The following ADAMTSL3 variants were observed in gnomAD, a reference collection of about 807,000 sequenced individuals.
The protein encoded by ADAMTSL3 is ADAMTS like 3.
A neutral mutation model predicts 201.7 loss-of-function variants in ADAMTSL3; 128 were observed. The ratio of observed to expected loss-of-function variants is 0.63; its 90% CI spans 0.55 to 0.73. The LOEUF (loss-of-function observed/expected upper bound fraction) is 0.73, where lower values mean the gene tolerates loss of function less well. Among genes scored for constraint, ADAMTSL3 ranks in the 30% least tolerant of loss-of-function variants. ADAMTSL3 has a pLI of 0.00. For missense variants in ADAMTSL3, 1,990 were observed against 2,119.6 expected (o/e 0.94, Z 1.20); for synonymous variants, 738 against 748.4 (o/e 0.99, Z 0.23).
At chr15:83,735,997 GA>G (rs1006459006) in intron 3 of ADAMTSL3, among the ~76,000 whole-genome samples, 23 of 150,432 alleles carry the variant, frequency 1.5e-4, no homozygotes, top group African/African-American at 4.1e-4. Context: ...AAGGACAGGA[GA>G]AAAAAAAAGA....
intron 9 of ADAMTSL3, 131 bp from the exon 10 acceptor site, chr15:83,884,970 T>C: frequency 1.6e-6 from 1 of 615,616 alleles, no homozygotes. Flanking sequence ...CTTATTGGAC[T>C]CTTGCCCCAT....
chr15:83,826,539 C>G (rs970031924), intron 6 of ADAMTSL3, among the ~76,000 whole-genome samples: 3 of 149,292 alleles, frequency 2.0e-5, no homozygotes, highest in Non-Finnish European at 4.4e-5. Context: ...ACTTTAAGTT[C>G]TAGGGTACAT....
chr15:83,826,631 G>C (rs1289967636), intron 6 of ADAMTSL3, among the ~76,000 whole-genome samples: 1 of 151,266 alleles, frequency 6.6e-6, no homozygotes, highest in East Asian at 1.9e-4. Flanking sequence ...ATTTACATTA[G>C]GTATATCTCC....
intron 19 of ADAMTSL3, among the ~76,000 whole-genome samples, chr15:83,970,130 A>G (rs952510345): frequency 6.6e-6 from 1 of 152,220 alleles, no homozygotes; most frequent in African/African-American, 2.4e-5. Flanking sequence ...GAATGGCTAA[A>G]AAATAAATTA....
chr15:83,875,041 T>C lies in ADAMTSL3; in HGVS notation c.960+4082T>C, dbSNP rs370085131. ...TCTATACCATCCACCACTGTGTTCATCTGGGTCCTCTAAGAATCAAATGCC... is the reference window on the plus strand; with the variant it reads ...TCTATACCATCCACCACTGTGTTCACCTGGGTCCTCTAAGAATCAAATGCC... On this transcript the variant is annotated intron_variant, in intron 9 of 29. Transcript: ENST00000286744. Among the ~76,000 whole-genome samples the C allele has an allele frequency of 1.4e-4, 15 of 110,136 alleles. 1 individual carries two copies. In the East Asian group the frequency reaches 6.0e-3, roughly 44 times the overall value. 72.3% of individuals were successfully genotyped at this position (110,136 alleles called of 152,430 possible).
chr15:83,723,349 A>C (rs2062128271), intron 3 of ADAMTSL3, among the ~76,000 whole-genome samples: 1 of 152,236 alleles, frequency 6.6e-6, no homozygotes, highest in South Asian at 2.1e-4. Flanking sequence ...TGTGCTGTTG[A>C]ATACTGCTAA....
At chr15:83,772,200 A>T (rs890311) in intron 3 of ADAMTSL3, among the ~76,000 whole-genome samples, 112,214 of 152,038 alleles carry the variant, frequency 0.74, 41,834 homozygotes, top group East Asian at 0.98. Flanking sequence ...AACTTTAGAA[A>T]CATTTGTTAT....
chr15:83,924,912 A>G (rs2066220847), intron 17 of ADAMTSL3, among the ~76,000 whole-genome samples: 1 of 152,134 alleles, frequency 6.6e-6, no homozygotes, highest in Non-Finnish European at 1.5e-5. Flanking sequence ...CGCTAATGAA[A>G]TCCTTTCATT....
chr15:83,995,063 C>T lies in ADAMTSL3; in HGVS notation c.3973+3849C>T, dbSNP rs151019120. 6.4e-4 allele frequency among the ~76,000 whole-genome samples: 98 copies of T among 152,228 alleles called. 1 individual carries two copies. The highest frequency in any genetic ancestry group is 3.4e-3 in the Middle Eastern group (1 of 294). On this transcript the variant is annotated intron_variant, in intron 23 of 29. Coordinates refer to ENST00000286744, the MANE Select transcript of ADAMTSL3 (RefSeq NM_207517.3). ...ACATATGTGACTTATTAGAGTTGTC[C>T]CAGGCTGACCCACAGTGGCCAGGCC...
intron 20 of ADAMTSL3, among the ~76,000 whole-genome samples, chr15:83,978,023 G>A (rs1462097027): frequency 6.6e-6 from 1 of 152,220 alleles, no homozygotes; most frequent in African/African-American, 2.4e-5. Context: ...ACCAGCACCA[G>A]CCCAGCAGCC....
Position 83,864,608 on chromosome 15 carries a change from G to A in ADAMTSL3, c.802+5768G>A, listed in dbSNP as rs546479606. The stretch of plus-strand genomic sequence containing the variant: ...TCAATAAATTAGGTATTGATGGAAC[G>A]TATCTCAAAATAATAAGAGCTATCT... On this transcript the variant is annotated intron_variant, in intron 8 of 29. Transcript: ENST00000286744. 4.1e-3 allele frequency among the ~76,000 whole-genome samples: 627 copies of A among 152,210 alleles called. 4 individuals are homozygous for A. Among genetic ancestry groups the A allele is most frequent in the Non-Finnish European group, 5.5e-3 (375 of 68,000 alleles).
rs1037125316 is a variant in ADAMTSL3, at chr15:83,883,617, G to A, written c.961-1484G>A. Among the ~76,000 whole-genome samples the A allele has an allele frequency of 7.3e-5, 11 of 150,402 alleles. No homozygotes were observed. In the East Asian group the frequency reaches 7.8e-4, roughly 11 times the overall value. On this transcript the variant is annotated intron_variant, in intron 9 of 29. Coordinates refer to ENST00000286744, the MANE Select transcript of ADAMTSL3 (RefSeq NM_207517.3). ...GTTTCCCAGACTGGAGTGCAGTGGC[G>A]TGATCATGGCTCACTGTAGCCTCAA...
At chr15:84,033,971 C>T (rs1344106375) in intron 28 of ADAMTSL3, among the ~76,000 whole-genome samples, 1 of 151,966 alleles carries the variant, frequency 6.6e-6, no homozygotes, top group African/African-American at 2.4e-5. Flanking sequence ...AAGAAAATTC[C>T]TAGAGCTGGG....
intron 19 of ADAMTSL3, among the ~76,000 whole-genome samples, chr15:83,952,469 G>A (rs1308340201): frequency 1.3e-5 from 2 of 152,286 alleles, no homozygotes; most frequent in East Asian, 1.9e-4. Flanking sequence ...GCCCTATAGT[G>A]TAGATTAAAT....
At chr15:83,827,068 T>G (rs1400298009) in intron 6 of ADAMTSL3, among the ~76,000 whole-genome samples, 1 of 152,194 alleles carries the variant, frequency 6.6e-6, no homozygotes. Flanking sequence ...TAGTTCTAGA[T>G]CCCTGAGGAA....
At chr15:83,918,102 G>A (rs1465959006) in intron 16 of ADAMTSL3, among the ~76,000 whole-genome samples, 1 of 152,082 alleles carries the variant, frequency 6.6e-6, no homozygotes, top group African/African-American at 2.4e-5. Context: ...GCTATTAATG[G>A]TGATTTTATC....
At chr15:83,904,752 C>T in intron 15 of ADAMTSL3, among the ~76,000 whole-genome samples, 1 of 152,196 alleles carries the variant, frequency 6.6e-6, no homozygotes, top group Admixed American at 6.5e-5. Flanking sequence ...GGATTCTTAA[C>T]ACTTCAGCAA....
chr15:83,730,857 C>A (rs544527069), intron 3 of ADAMTSL3, among the ~76,000 whole-genome samples: 1 of 152,076 alleles, frequency 6.6e-6, no homozygotes, highest in South Asian at 2.1e-4. Context: ...AGGCTAATAT[C>A]AAAAAGCTTT....
intron 2 of ADAMTSL3, among the ~76,000 whole-genome samples, chr15:83,672,659 C>T (rs1018269530): frequency 6.6e-6 from 1 of 152,186 alleles, no homozygotes; most frequent in East Asian, 1.9e-4. Context: ...GAAACAAGTC[C>T]AACACCCTTT....
Sources: gnomAD v4.1 joint callset for allele counts (sites outside exome capture counted in the v4.1 genomes callset) on GRCh38, gnomAD v4.1.1 for gene constraint, MANE v1.5 for transcripts, NCBI Gene and HGNC (gene_info 2026-07-23, HGNC 2026-07-21) for gene names.